BACH2: variants seen among roughly 807,000 people sequenced by gnomAD.
The protein encoded by BACH2 is transcription regulator protein BACH2.
A neutral mutation model predicts 61.8 loss-of-function variants in BACH2; 5 were observed. That is an observed-to-expected ratio of 0.08 (90% confidence interval 0.04 to 0.17). The LOEUF (loss-of-function observed/expected upper bound fraction) is 0.17, where lower values mean the gene tolerates loss of function less well. Among genes scored for constraint, BACH2 ranks in the 10% least tolerant of loss-of-function variants. The pLI is 1.00. For synonymous variants in BACH2, 446 were observed against 440.1 expected (o/e 1.01, Z -0.17); for missense variants, 824 against 1,091.1 (o/e 0.76, Z 3.45).
chr6:90,169,363 T>TATCA (rs1767735756), intron 4 of BACH2, among the ~76,000 whole-genome samples: 1 of 152,134 alleles, frequency 6.6e-6, no homozygotes, highest in South Asian at 2.1e-4. Context: ...TCTTGGATGA[T>TATCA]GCCTTAATGA....
In BACH2 at chr6:90,168,190, C is replaced by G. The variant is rs147034550; in HGVS notation, c.-162+38379G>C. On this transcript the variant is annotated intron_variant, in intron 4 of 8. Coordinates refer to ENST00000257749, the MANE Select transcript of BACH2 (RefSeq NM_021813.4). ...CCTGGGCAACATAGTGAGACCCCAT[C>G]TCTACAAAAATAGAAAAATTAGTCA... is the stretch of plus-strand genomic sequence containing the variant. Among the ~76,000 whole-genome samples the G allele has an allele frequency of 8.3e-3, 1,262 of 152,212 alleles. 14 individuals are homozygous for G. The highest frequency in any genetic ancestry group is 0.028 in the African/African-American group (1,168 of 41,516).
In BACH2 at chr6:90,008,534, C is replaced by A; in HGVS notation, c.243+68G>T. On this transcript the variant is annotated intron_variant, in intron 6 of 8. Transcript: ENST00000257749. This position sits in a 1 kb window ranked among gnomAD's most constrained non-coding sequence, Gnocchi z 4.1. Reference sequence around the variant, plus strand: ...ATGGCACCTAGTACATCTTCTAGCTCCTAGTCAGCCAGTTTTCTGTAAGTC... The same window carrying A: ...ATGGCACCTAGTACATCTTCTAGCTACTAGTCAGCCAGTTTTCTGTAAGTC... 19 of 1,591,028 alleles carry A rather than the reference C, an allele frequency of 1.2e-5. No homozygotes were observed. Among genetic ancestry groups the A allele is most frequent in the Non-Finnish European group, 1.6e-5 (19 of 1,167,654 alleles).
intron 6 of BACH2, among the ~76,000 whole-genome samples, chr6:89,998,032 G>T (rs78829153): frequency 6.6e-6 from 1 of 152,188 alleles, no homozygotes. Context: ...ACATTTAATA[G>T]CTGTCCTTTA....
intron 3 of BACH2, among the ~76,000 whole-genome samples, chr6:90,248,782 G>A (rs1039605496): frequency 3.3e-5 from 5 of 152,176 alleles, no homozygotes; most frequent in Non-Finnish European, 5.9e-5. Flanking sequence ...CACCAACTCC[G>A]GGGAGGAGGC....
At chr6:90,094,578 G>A (rs1562439797) in intron 4 of BACH2, among the ~76,000 whole-genome samples, 1 of 152,146 alleles carries the variant, frequency 6.6e-6, no homozygotes, top group Non-Finnish European at 1.5e-5. Flanking sequence ...GGTTTGAACT[G>A]AATCCAGGTT....
At chr6:90,206,125 A>G (rs545013964) in intron 4 of BACH2, among the ~76,000 whole-genome samples, 1 of 152,170 alleles carries the variant, frequency 6.6e-6, no homozygotes, top group Non-Finnish European at 1.5e-5. Context: ...GCAGTAACTC[A>G]TTTCATCCTT....
chr6:90,258,242 T>C (rs1771047516), intron 2 of BACH2, among the ~76,000 whole-genome samples: 1 of 152,222 alleles, frequency 6.6e-6, no homozygotes, highest in South Asian at 2.1e-4. Context: ...GATTTTTGTA[T>C]GTGGTATACG....
intron 8 of BACH2, among the ~76,000 whole-genome samples, chr6:89,936,613 A>C (rs1773039320): frequency 6.6e-6 from 1 of 152,196 alleles, no homozygotes. Context: ...CACAAATGGC[A>C]GGAGATATCC....
intron 4 of BACH2, among the ~76,000 whole-genome samples, chr6:90,128,037 C>T (rs113608460): frequency 4.1e-4 from 63 of 152,096 alleles, no homozygotes; most frequent in Admixed American, 9.2e-4. Context: ...CTTATGCCCC[C>T]CCATCTCCAT....
chr6:90,177,224 C>A (rs1287888127), intron 4 of BACH2, among the ~76,000 whole-genome samples: 1 of 152,130 alleles, frequency 6.6e-6, no homozygotes, highest in Non-Finnish European at 1.5e-5. Context: ...ATTCAATGCA[C>A]ACTATTTTAT....
chr6:90,044,787 T>G (rs1223416970), intron 5 of BACH2, among the ~76,000 whole-genome samples: 1 of 152,062 alleles, frequency 6.6e-6, no homozygotes, highest in Non-Finnish European at 1.5e-5. Flanking sequence ...GATTTCAGCT[T>G]AAGTGACCAG....
intron 3 of BACH2, among the ~76,000 whole-genome samples, chr6:90,207,146 T>C (rs995310554): frequency 6.6e-6 from 1 of 152,022 alleles, no homozygotes; most frequent in Non-Finnish European, 1.5e-5. Context: ...TGGCATAGAG[T>C]CTCATTCTGT....
intron 1 of BACH2, among the ~76,000 whole-genome samples, chr6:90,275,644 C>T (rs1037553988): frequency 6.6e-6 from 1 of 151,788 alleles, no homozygotes; most frequent in East Asian, 1.9e-4. Context: ...TCTGCTCTTC[C>T]CCCTCCTCCC....
At chr6:90,296,295 T>C (rs1309294786) in intron 1 of BACH2, among the ~76,000 whole-genome samples, 185 bp downstream of exon 1, 2 of 151,278 alleles carry the variant, frequency 1.3e-5, no homozygotes, top group Admixed American at 6.6e-5. Flanking sequence ...CCCTTCCCGT[T>C]CCTAGAAAAT....
chr6:90,128,330 C>A (rs901398833), intron 4 of BACH2, among the ~76,000 whole-genome samples: 33 of 152,142 alleles, frequency 2.2e-4, no homozygotes, highest in Non-Finnish European at 5.9e-5. Flanking sequence ...TGCCTGTAAT[C>A]CCAGCACTTT....
chr6:90,087,115 TA>T (rs1781964869), intron 5 of BACH2, among the ~76,000 whole-genome samples: 1 of 152,218 alleles, frequency 6.6e-6, no homozygotes, highest in Non-Finnish European at 1.5e-5. Context: ...CATTTAAGTC[TA>T]TCTCCAGGAT....
intron 3 of BACH2, among the ~76,000 whole-genome samples, chr6:90,226,909 C>G (rs944905813): frequency 6.6e-6 from 1 of 152,200 alleles, no homozygotes; most frequent in Admixed American, 6.5e-5. Context: ...CTACAATTAA[C>G]ATCTTGCACT....
At chr6:90,145,471 C>A (rs1360153574) in intron 4 of BACH2, among the ~76,000 whole-genome samples, 1 of 152,156 alleles carries the variant, frequency 6.6e-6, no homozygotes, top group Non-Finnish European at 1.5e-5. Context: ...AAAGTGTTTA[C>A]AAAACTAGTA....
intron 4 of BACH2, among the ~76,000 whole-genome samples, chr6:90,173,480 T>C (rs1395788116): frequency 1.3e-5 from 2 of 152,068 alleles, no homozygotes; most frequent in African/African-American, 2.4e-5. Flanking sequence ...AGTGAAATTA[T>C]ACTGAAAAAA....
Sources: gnomAD v4.1 joint callset for allele counts (sites outside exome capture counted in the v4.1 genomes callset) on GRCh38, gnomAD v4.1.1 for gene constraint, Gnocchi (gnomAD v3.1) non-coding constraint, MANE v1.5 for transcripts, NCBI Gene and HGNC (gene_info 2026-07-23, HGNC 2026-07-21) for gene names.